TRMT44: variants seen among roughly 807,000 people sequenced by gnomAD.
TRMT44 encodes probable tRNA (uracil-O(2)-)-methyltransferase.
In TRMT44, 78 loss-of-function variants were observed where a neutral mutation model predicts 77.3. The observed-to-expected ratio is 1.01, with a 90% CI of 0.84 to 1.22. The LOEUF (loss-of-function observed/expected upper bound fraction) is 1.22. Among genes scored for constraint, TRMT44 ranks in the 50% most tolerant of loss-of-function variants. The probability of loss-of-function intolerance (pLI) is 0.00; values close to 1 mark genes in which losing one functional copy is unlikely to be tolerated. For synonymous variants in TRMT44, 391 were observed against 383.3 expected (o/e 1.02, Z -0.23); for missense variants, 1,090 against 964.4 (o/e 1.13, Z -1.73).
At chr4:8,477,674 A>T (rs1451157641), downstream of TRMT44, 1 of 152,690 alleles carries the variant, frequency 6.5e-6, no homozygotes, top group Non-Finnish European at 1.5e-5. Flanking sequence ...TTAGGCCGTG[A>T]GGCATCTTCC....
At chr4:8,480,291 G>T (rs573608115), downstream of TRMT44, among the ~76,000 whole-genome samples, 1 of 152,330 alleles carries the variant, frequency 6.6e-6, no homozygotes, top group Admixed American at 6.5e-5. Flanking sequence ...ACCCAAGCAC[G>T]CACTGTGGAG....
the TRMT44 span, among the ~76,000 whole-genome samples, chr4:8,508,299 G>A: frequency 6.6e-6 from 1 of 152,370 alleles, no homozygotes; most frequent in South Asian, 2.1e-4. Flanking sequence ...GGTGAGGAGG[G>A]ACTTTCAGGA....
chr4:8,441,072 G>A lies in TRMT44; in HGVS notation c.250G>A (p.Gly84Ser), dbSNP rs771835830. The change falls in exon 1 of 11, where the codon GGT (glycine) becomes AGT (serine). Residue 84 changes from glycine to serine, a missense_variant. Transcript: ENST00000389737. ...PGQGSPGGGPGPRSLSGPEQG... is the reference protein window; with the variant it reads ...PGQGSPGGGPSPRSLSGPEQG... ...CCAGGGTTCCCCCGGAGGGGGCCCG[G>A]GTCCCAGGTCGCTATCAGGACCCGA... 1 of 1,489,402 alleles carries A rather than the reference G, an allele frequency of 6.7e-7. No individual in the cohort carries two copies. The highest frequency in any genetic ancestry group is 1.3e-5 in the South Asian group (1 of 76,618). 92.3% of individuals were successfully genotyped at this position (1,489,402 alleles called of 1,614,324 possible). A position where few individuals can be genotyped will look rare whatever the true frequency, so the allele number is the denominator to read the frequency against.
Position 8,468,154 on chromosome 4 carries a change from C to T in TRMT44, c.1735C>T (p.Pro579Ser). 6.2e-7 allele frequency: 1 copy of T among 1,614,028 alleles called. No individual in the cohort carries two copies. Among genetic ancestry groups the T allele is most frequent in the Admixed American group, 1.7e-5 (1 of 60,026 alleles). ...RAWAAEHGAGPQAEGPWLPGF... is the reference protein window; with the variant it reads ...RAWAAEHGAGSQAEGPWLPGF... Reference sequence around the variant, plus strand: ...CTGGGCCGCTGAGCATGGAGCAGGGCCCCAGGCTGAAGGACCCTGGCTACC... The same window carrying T: ...CTGGGCCGCTGAGCATGGAGCAGGGTCCCAGGCTGAAGGACCCTGGCTACC... Residue 579 changes from proline to serine, a missense_variant, in exon 9 of 11, where the codon CCC becomes TCC. Coordinates refer to ENST00000389737, the MANE Select transcript of TRMT44 (RefSeq NM_152544.3).
chr4:8,454,850 T>G (rs1305001036), intron 6 of TRMT44, 37 bp downstream of exon 6: 3 of 1,590,620 alleles, frequency 1.9e-6, no homozygotes, highest in Non-Finnish European at 2.6e-6. Context: ...GATCTCAGCA[T>G]GGCTTAGCTC....
At position 8,451,855 on chromosome 4, in the gene TRMT44, T is replaced by C; in HGVS notation, c.955-105T>C. 1.0e-6 allele frequency: 1 copy of C among 982,432 alleles called. No homozygotes were observed. The allele number at this position is 982,432 out of a possible 1,614,324, so 60.9% of individuals were successfully genotyped here. A position where few individuals can be genotyped will look rare whatever the true frequency, so the allele number is the denominator to read the frequency against. ...TGAGCTTATGTTTCCTATTTTAGTG[T>C]ACGATTAGTCCAGTTTGATTTATGC... On this transcript the variant is annotated intron_variant, in intron 3 of 10. Coordinates refer to ENST00000389737, the MANE Select transcript of TRMT44 (RefSeq NM_152544.3). The surrounding 1 kb of genome is among the most constrained non-coding windows in gnomAD (Gnocchi z 4.1).
At chr4:8,480,973 C>A (rs1273997364), downstream of TRMT44, among the ~76,000 whole-genome samples, 3 of 152,190 alleles carry the variant, frequency 2.0e-5, no homozygotes, top group Non-Finnish European at 4.4e-5. Flanking sequence ...TGTAAAGAAT[C>A]TCTGTTAACA....
chr4:8,493,761 G>A (rs1359401384), downstream of TRMT44, among the ~76,000 whole-genome samples: 1 of 152,006 alleles, frequency 6.6e-6, no homozygotes, highest in African/African-American at 2.4e-5. Context: ...CTTTCACAGA[G>A]GCTGGCTCTT....
chr4:8,456,185 G>C (rs1579053985), intron 6 of TRMT44, among the ~76,000 whole-genome samples: 2 of 152,166 alleles, frequency 1.3e-5, no homozygotes, highest in African/African-American at 4.8e-5. Context: ...AAAATTTCCT[G>C]GTCACTGCTC....
intron 6 of TRMT44, among the ~76,000 whole-genome samples, chr4:8,463,394 C>G (rs1216186193): frequency 6.6e-6 from 1 of 152,182 alleles, no homozygotes; most frequent in East Asian, 1.9e-4. Context: ...CAGAATTTGT[C>G]AGAATGGTTA....
intron 5 of TRMT44, chr4:8,453,284 T>C (rs11729265): frequency 0.35 from 69,514 of 195,878 alleles, 13,210 homozygotes; most frequent in South Asian, 0.46. Context: ...GATTTTTCTT[T>C]TGAAACCCAC....
At chr4:8,480,616 G>A (rs1252393825), downstream of TRMT44, among the ~76,000 whole-genome samples, 1 of 152,180 alleles carries the variant, frequency 6.6e-6, no homozygotes, top group Non-Finnish European at 1.5e-5. Flanking sequence ...GCAATTTCAA[G>A]TGCCTTTATC....
intron 6 of TRMT44, among the ~76,000 whole-genome samples, chr4:8,462,622 T>A (rs911488463): frequency 1.3e-5 from 2 of 152,046 alleles, no homozygotes; most frequent in African/African-American, 4.8e-5. Flanking sequence ...GTAGAATTGC[T>A]TGAACCTGGG....
chr4:8,467,209 C>A (rs1726630388), intron 8 of TRMT44, among the ~76,000 whole-genome samples: 2 of 152,216 alleles, frequency 1.3e-5, no homozygotes, highest in African/African-American at 4.8e-5. Context: ...TGCCTCCCTT[C>A]CCAGCCCCTG....
At chr4:8,459,137 G>T (rs1725994432) in intron 6 of TRMT44, among the ~76,000 whole-genome samples, 1 of 152,198 alleles carries the variant, frequency 6.6e-6, no homozygotes, top group Admixed American at 6.5e-5. Flanking sequence ...GGGAGGTTGA[G>T]ACTGCGGTGA....
At chr4:8,474,087 G>A (rs76525255) in intron 10 of TRMT44, among the ~76,000 whole-genome samples, 179 of 152,344 alleles carry the variant, frequency 1.2e-3, no homozygotes, top group African/African-American at 4.2e-3. Context: ...GGGGAAGGGG[G>A]TGCCGAGGCT....
the TRMT44 span, chr4:8,511,851 T>C: frequency 2.0e-5 from 3 of 151,894 alleles, no homozygotes; most frequent in Admixed American, 2.0e-4. Flanking sequence ...TCTAGGAGAG[T>C]CCATGTCCTA....
At chr4:8,447,958 G>A (rs1725169855) in intron 2 of TRMT44, among the ~76,000 whole-genome samples, 1 of 152,230 alleles carries the variant, frequency 6.6e-6, no homozygotes, top group Admixed American at 6.5e-5. Context: ...GCATGTGCCT[G>A]CTGCGTTGGA....
intron 10 of TRMT44, among the ~76,000 whole-genome samples, chr4:8,472,928 CTT>C (rs994999751): frequency 6.6e-6 from 1 of 152,184 alleles, no homozygotes; most frequent in Non-Finnish European, 1.5e-5. Context: ...GAAATACTGT[CTT>C]TTTCACCCAT....
Sources: allele counts gnomAD v4.1 joint callset (sites outside exome capture counted in the v4.1 genomes callset), GRCh38; gene constraint gnomAD v4.1.1; non-coding constraint Gnocchi (gnomAD v3.1); transcripts MANE v1.5; gene names NCBI Gene and HGNC (gene_info 2026-07-23, HGNC 2026-07-21).